ACSM2B: variants seen among roughly 807,000 people sequenced by gnomAD.
The protein encoded by ACSM2B is acyl-coenzyme A synthetase ACSM2B, mitochondrial.
ACSM2B carries 58 observed loss-of-function variants against 78.6 expected under a neutral mutation model. The observed-to-expected ratio is 0.74, with a 90% CI of 0.60 to 0.92. ACSM2B has a LOEUF of 0.92. Among genes scored for constraint, ACSM2B ranks in the 40% least tolerant of loss-of-function variants. ACSM2B has a pLI of 0.00. For missense variants in ACSM2B, 688 were observed against 711.2 expected (o/e 0.97, Z 0.37); for synonymous variants, 257 against 256.8 (o/e 1.00, Z -0.01).
At chr16:20,543,900 A>G (rs529059288) in intron 10 of ACSM2B, among the ~76,000 whole-genome samples, 2 of 152,186 alleles carry the variant, frequency 1.3e-5, no homozygotes, top group African/African-American at 4.8e-5. Context: ...GCCTCACTCC[A>G]TCATTGGGAA....
rs1280174226 is a variant in ACSM2B at position 20,567,347 on chromosome 16, ATATAT to A, written c.-8-2499_-8-2495del. Among the ~76,000 whole-genome samples, 5 of 50,826 alleles carry A rather than the reference ATATAT, an allele frequency of 9.8e-5. No individual in the cohort carries two copies. The East Asian group carries it at 0.046, about 471-fold the overall frequency. The allele number at this position is 50,826 out of a possible 152,430, so 33.3% of individuals were successfully genotyped here. ...ATATACAGTATAATATTATATATAA[ATATAT>A]TATATATTATATATTATATAATATA... is the stretch of plus-strand genomic sequence containing the variant. On this transcript the variant is annotated intron_variant, in intron 1 of 13. Transcript: ENST00000329697.
In ACSM2B at chr16:20,559,415, C is replaced by T; in HGVS notation, c.210G>A (p.Trp70Ter). 2 of 1,613,224 alleles carry T rather than the reference C, an allele frequency of 1.2e-6. No individual in the cohort carries two copies. The highest frequency in any genetic ancestry group is 2.2e-5 in the South Asian group (2 of 90,904). The stretch of plus-strand genomic sequence containing the variant: ...ATTCCTTCCCCTTCCCATTCACCCA[C>T]CACAGGGCTGGGCTTGGGAGTCGCT... The part of the protein sequence containing the change: ...AGKRLPSPAL[W>*]WVNGKGKELM... Residue 70 changes from tryptophan to a stop codon, truncating the protein, a stop_gained, in exon 3 of 14, where the codon TGG (tryptophan) becomes TGA (stop). Coordinates refer to ENST00000329697, the MANE Select transcript of ACSM2B (RefSeq NM_001105069.2). LOFTEE classifies it high-confidence loss of function.
chr16:20,552,899 A>T (rs917404844), intron 5 of ACSM2B, among the ~76,000 whole-genome samples: 4 of 152,214 alleles, frequency 2.6e-5, no homozygotes, highest in African/African-American at 7.2e-5. Flanking sequence ...AAGATGATTA[A>T]TACTTTCAGC....
At chr16:20,565,192 G>T (rs969855655) in intron 1 of ACSM2B, among the ~76,000 whole-genome samples, 1 of 152,068 alleles carries the variant, frequency 6.6e-6, no homozygotes, top group Non-Finnish European at 1.5e-5. Flanking sequence ...CTCCCTTTCC[G>T]TTCTAGGATT....
intron 9 of ACSM2B, among the ~76,000 whole-genome samples, chr16:20,545,897 C>A (rs1430510028): frequency 6.6e-6 from 1 of 152,176 alleles, no homozygotes; most frequent in East Asian, 1.9e-4. Flanking sequence ...ACTTTAGCTA[C>A]TACACATTCA....
intron 3 of ACSM2B, among the ~76,000 whole-genome samples, chr16:20,556,557 G>T (rs1484541962): frequency 1.3e-5 from 2 of 152,078 alleles, no homozygotes; most frequent in Admixed American, 6.5e-5. Flanking sequence ...AGCCAAAATC[G>T]CACCACTGCA....
At chr16:20,546,747 C>T in intron 8 of ACSM2B, 2 of 396,606 alleles carry the variant, frequency 5.0e-6, no homozygotes, top group Non-Finnish European at 8.3e-6. Flanking sequence ...GGGGGAGTCA[C>T]ATTTTAATAC....
At position 20,559,409 on chromosome 16, in the gene ACSM2B, C is replaced by G; in HGVS notation, c.216G>C (p.Val72=). 1 of 1,613,208 alleles carries G rather than the reference C, an allele frequency of 6.2e-7. No individual in the cohort carries two copies. Among genetic ancestry groups the G allele is most frequent in the Non-Finnish European group, 8.5e-7 (1 of 1,179,598 alleles). ...ACATTAATTCCTTCCCCTTCCCATT[C>G]ACCCACCACAGGGCTGGGCTTGGGA... ...KRLPSPALWW[V]NGKGKELMWN... is the part of the protein sequence containing the mutation. Residue 72 remains valine, a synonymous_variant, in exon 3 of 14, where the codon GTG becomes GTC. Transcript: ENST00000329697.
intron 1 of ACSM2B, among the ~76,000 whole-genome samples, chr16:20,570,006 C>G (rs904675778): frequency 3.3e-5 from 5 of 151,942 alleles, no homozygotes; most frequent in East Asian, 1.9e-4. Flanking sequence ...TAACAGCAAA[C>G]AGCAACTGTA....
At chr16:20,552,023 T>C in intron 6 of ACSM2B, 121 bp downstream of exon 6, 2 of 1,485,122 alleles carry the variant, frequency 1.3e-6, no homozygotes, top group Non-Finnish European at 1.8e-6. Context: ...TACTGAACAC[T>C]GTTCTCCACA....
chr16:20,566,679 ATAG>A (rs374057100), intron 1 of ACSM2B, among the ~76,000 whole-genome samples: 172 of 3,302 alleles, frequency 0.052, 15 homozygotes, highest in East Asian at 0.22. Context: ...GTATATACAT[ATAG>A]TATATACTAT....
intron 1 of ACSM2B, among the ~76,000 whole-genome samples, chr16:20,566,759 G>GTATATACTATATATAGTATATATAC (rs2015900650): frequency 1.7e-5 from 1 of 59,352 alleles, no homozygotes; most frequent in Non-Finnish European, 2.4e-5. Flanking sequence ...ACTATATATA[G>GTATATACTATATATAGTATATATAC]TATATATAGA....
At chr16:20,575,226 C>A (rs1193978808) in intron 1 of ACSM2B, among the ~76,000 whole-genome samples, 1 of 151,490 alleles carries the variant, frequency 6.6e-6, no homozygotes, top group Non-Finnish European at 1.5e-5. Context: ...GTACCAAAAT[C>A]TGTATTAGTC....
In ACSM2B at chr16:20,550,164, G is replaced by A. The variant is rs183944514; in HGVS notation, c.895-1691C>T. ...TCCATTCAGATGGTTGGGAGGATGG[G>A]GCCTTAGGATTTTATTTTTGGTTTA... On this transcript the variant is annotated intron_variant, in intron 6 of 13. Coordinates refer to ENST00000329697, the MANE Select transcript of ACSM2B (RefSeq NM_001105069.2). Among the ~76,000 whole-genome samples, 558 of 152,168 alleles carry A rather than the reference G, an allele frequency of 3.7e-3. 4 individuals carry two copies. Among genetic ancestry groups the A allele is most frequent in the African/African-American group, 0.013 (546 of 41,516 alleles).
At chr16:20,572,812 A>C (rs1383349328) in intron 1 of ACSM2B, among the ~76,000 whole-genome samples, 28 of 151,946 alleles carry the variant, frequency 1.8e-4, no homozygotes, top group Admixed American at 5.9e-4. Context: ...TGGCTAAGTC[A>C]AAAATCTTGT....
chr16:20,562,424 C>G (rs12926954), intron 2 of ACSM2B, among the ~76,000 whole-genome samples: 24 of 152,248 alleles, frequency 1.6e-4, no homozygotes, highest in Admixed American at 3.3e-4. Flanking sequence ...CAGAGTTATA[C>G]TACTTTTTGG....
chr16:20,566,604 T>C (rs2015854975), intron 1 of ACSM2B, among the ~76,000 whole-genome samples: 1 of 85,494 alleles, frequency 1.2e-5, no homozygotes, highest in Non-Finnish European at 2.0e-5. Flanking sequence ...AATATGTATA[T>C]ATCTACATAT....
Position 20,562,557 on chromosome 16 carries a change from T to C in ACSM2B, c.177+2112A>G, listed in dbSNP as rs768663545. ...ACTATAGGAGGAATTTAGTTTATAATTTAACTTTAAAGCAAGGATGACAAC... is the reference window on the plus strand; with the variant it reads ...ACTATAGGAGGAATTTAGTTTATAACTTAACTTTAAAGCAAGGATGACAAC... On this transcript the variant is annotated intron_variant, in intron 2 of 13. Transcript: ENST00000329697. Among the ~76,000 whole-genome samples, 132 of 152,294 alleles carry C rather than the reference T, an allele frequency of 8.7e-4. 2 individuals carry two copies. The highest frequency in any genetic ancestry group is 1.6e-4 in the Non-Finnish European group (11 of 68,026).
At chr16:20,570,024 C>T (rs530538177) in intron 1 of ACSM2B, among the ~76,000 whole-genome samples, 16 of 151,800 alleles carry the variant, frequency 1.1e-4, no homozygotes, top group Middle Eastern at 3.2e-3. Context: ...GTATGACTTC[C>T]TCTTTACCAA....
Sources: allele counts gnomAD v4.1 joint callset (sites outside exome capture counted in the v4.1 genomes callset), GRCh38; gene constraint gnomAD v4.1.1; transcripts MANE v1.5; gene names NCBI Gene and HGNC (gene_info 2026-07-23, HGNC 2026-07-21).